LRP1B: variants seen among roughly 807,000 people sequenced by gnomAD.
The protein encoded by LRP1B is low-density lipoprotein receptor-related protein 1B.
Under a neutral mutation model 556.6 loss-of-function variants are expected in LRP1B, and 217 were observed. The observed-to-expected ratio is 0.39, with a 90% confidence interval of 0.35 to 0.44. LRP1B has a LOEUF of 0.44. Ranked by LOEUF, LRP1B falls within the 20% of genes least tolerant of loss-of-function variation. The pLI is 1.00. For missense variants in LRP1B, 5,053 were observed against 5,620.8 expected (o/e 0.90, Z 3.23); for synonymous variants, 2,047 against 1,865.8 (o/e 1.10, Z -2.50).
At chr2:140,632,003 A>T (rs1209364307) in intron 41 of LRP1B, among the ~76,000 whole-genome samples, 1 of 152,302 alleles carries the variant, frequency 6.6e-6, no homozygotes, top group East Asian at 1.9e-4. Flanking sequence ...TGAAATATTT[A>T]ATGTGTTGAA....
At chr2:140,373,333 A>G (rs528507018) in intron 68 of LRP1B, among the ~76,000 whole-genome samples, 196 bp from the exon 69 acceptor site, 15 of 152,284 alleles carry the variant, frequency 9.9e-5, no homozygotes, top group Admixed American at 9.2e-4. Flanking sequence ...CCGAAAGACT[A>G]GACAACTTAT....
chr2:140,262,553 CAACAG>C (rs1331441279), intron 86 of LRP1B, among the ~76,000 whole-genome samples: 1 of 152,124 alleles, frequency 6.6e-6, no homozygotes, highest in Non-Finnish European at 1.5e-5. Flanking sequence ...CTTGTGGAAT[CAACAG>C]AACTTCTTTA....
chr2:141,787,544 T>C (rs1430543817), intron 2 of LRP1B, among the ~76,000 whole-genome samples: 1 of 151,374 alleles, frequency 6.6e-6, no homozygotes, highest in Non-Finnish European at 1.5e-5. Flanking sequence ...AATAAAATAA[T>C]AAGGACAAAA....
At chr2:141,334,724 GTATT>G (rs1488856036) in intron 3 of LRP1B, among the ~76,000 whole-genome samples, 2 of 152,052 alleles carry the variant, frequency 1.3e-5, no homozygotes, top group African/African-American at 4.8e-5. Flanking sequence ...GCTAATTTTT[GTATT>G]TTTAGTAGAG....
chr2:141,055,738 G>A (rs951333337), intron 9 of LRP1B, among the ~76,000 whole-genome samples: 2 of 151,610 alleles, frequency 1.3e-5, no homozygotes, highest in East Asian at 2.0e-4. Flanking sequence ...CTGTTGAGAA[G>A]TGCTGAGGCA....
intron 3 of LRP1B, among the ~76,000 whole-genome samples, chr2:141,279,648 A>G (rs944275250): frequency 6.6e-6 from 1 of 152,094 alleles, no homozygotes; most frequent in Non-Finnish European, 1.5e-5. Flanking sequence ...CATGTCTGTC[A>G]TATTTCATTT....
At chr2:141,149,550 A>G (rs71417128) in intron 7 of LRP1B, among the ~76,000 whole-genome samples, 1 of 152,082 alleles carries the variant, frequency 6.6e-6, no homozygotes, top group Non-Finnish European at 1.5e-5. Context: ...CAACTCCTTT[A>G]TAGCACTACC....
intron 2 of LRP1B, among the ~76,000 whole-genome samples, chr2:141,622,898 C>G (rs1688554961): frequency 6.6e-6 from 1 of 152,060 alleles, no homozygotes; most frequent in Non-Finnish European, 1.5e-5. Flanking sequence ...GGATGCTTTG[C>G]CAAATTCCTC....
intron 3 of LRP1B, among the ~76,000 whole-genome samples, chr2:141,436,361 A>G (rs553724138): frequency 6.6e-6 from 1 of 152,322 alleles, no homozygotes; most frequent in African/African-American, 2.4e-5. Context: ...GGAATCTAAA[A>G]GCATTGAACT....
At chr2:140,676,501 A>T (rs913552104) in intron 41 of LRP1B, among the ~76,000 whole-genome samples, 1 of 152,164 alleles carries the variant, frequency 6.6e-6, no homozygotes, top group East Asian at 1.9e-4. Context: ...ATCCCATAAG[A>T]CTGCAAGGCA....
intron 41 of LRP1B, among the ~76,000 whole-genome samples, chr2:140,625,617 A>T (rs1371853565): frequency 6.6e-6 from 1 of 152,228 alleles, no homozygotes; most frequent in Non-Finnish European, 1.5e-5. Context: ...GATAGTAAAT[A>T]AGCATATGAA....
At chr2:140,701,956 T>G in intron 39 of LRP1B, 111 bp from the exon 40 acceptor site, 1 of 1,405,680 alleles carries the variant, frequency 7.1e-7, no homozygotes, top group East Asian at 2.3e-5. Context: ...GAAACCAACT[T>G]TAGTCTGTGA....
At chr2:141,752,784 CA>C (rs1694162166) in intron 2 of LRP1B, among the ~76,000 whole-genome samples, 1 of 149,788 alleles carries the variant, frequency 6.7e-6, no homozygotes, top group Admixed American at 6.7e-5. Flanking sequence ...CACAAAAGCA[CA>C]AAAAATTAGC....
At chr2:142,076,069 G>A (rs1334940380) in intron 1 of LRP1B, among the ~76,000 whole-genome samples, 2 of 152,032 alleles carry the variant, frequency 1.3e-5, no homozygotes, top group African/African-American at 4.8e-5. Flanking sequence ...ACATTTCCCA[G>A]CTCGGACATA....
intron 2 of LRP1B, among the ~76,000 whole-genome samples, chr2:141,677,319 T>C (rs954334929): frequency 3.3e-5 from 5 of 152,058 alleles, no homozygotes; most frequent in Non-Finnish European, 5.9e-5. Context: ...AGGAAACTGA[T>C]TAGGCAAGAA....
chr2:141,010,661 C>T (rs1214515161), intron 14 of LRP1B, among the ~76,000 whole-genome samples: 5 of 151,822 alleles, frequency 3.3e-5, no homozygotes, highest in African/African-American at 4.8e-5. Context: ...ATTACAGTCT[C>T]CTGCCACCAC....
chr2:140,847,192 C>G (rs1335354468), intron 29 of LRP1B, among the ~76,000 whole-genome samples: 1 of 152,188 alleles, frequency 6.6e-6, no homozygotes, highest in Non-Finnish European at 1.5e-5. Flanking sequence ...TCAGAGTTCA[C>G]TGCTCATCTA....
intron 3 of LRP1B, among the ~76,000 whole-genome samples, chr2:141,434,364 CT>C: frequency 6.6e-6 from 1 of 152,246 alleles, no homozygotes; most frequent in East Asian, 1.9e-4. Flanking sequence ...CAGCTCAAAT[CT>C]ACTGTTGAGC....
chr2:140,466,742 C>T (rs1171299068), intron 60 of LRP1B, among the ~76,000 whole-genome samples: 1 of 151,994 alleles, frequency 6.6e-6, no homozygotes, highest in Non-Finnish European at 1.5e-5. Context: ...TGAAGAGTAT[C>T]CTGAAAAAAA....
Sources: gnomAD v4.1 joint callset for allele counts (sites outside exome capture counted in the v4.1 genomes callset) on GRCh38, gnomAD v4.1.1 for gene constraint, MANE v1.5 for transcripts, NCBI Gene and HGNC (gene_info 2026-07-23, HGNC 2026-07-21) for gene names.